The following HECW2 variants were observed in gnomAD, a reference collection of about 807,000 sequenced individuals.
HECW2 encodes E3 ubiquitin-protein ligase HECW2.
Under a neutral mutation model 175.2 loss-of-function variants are expected in HECW2, and 61 were observed. The observed-to-expected ratio is 0.35, with a 90% CI of 0.28 to 0.43. The LOEUF (loss-of-function observed/expected upper bound fraction) is 0.43, where lower values mean the gene tolerates loss of function less well. HECW2 is among the 20% of genes least tolerant of loss of function. The pLI, the probability that HECW2 is intolerant of heterozygous loss-of-function variation, is 1.00. For missense variants in HECW2, 1,524 were observed against 2,000.5 expected, an observed-to-expected ratio of 0.76 and a Z score of 4.54; for synonymous variants, 671 against 731.0, an observed-to-expected ratio of 0.92 and a Z score of 1.32.
intron 1 of HECW2, among the ~76,000 whole-genome samples, chr2:196,443,465 T>C (rs1575547358): frequency 6.6e-6 from 1 of 152,172 alleles, no homozygotes; most frequent in African/African-American, 2.4e-5. Flanking sequence ...TTGGCAGAGG[T>C]ATCAGTTTTT....
At chr2:196,259,845 G>T (rs1277376586) in intron 17 of HECW2, among the ~76,000 whole-genome samples, 3 of 152,150 alleles carry the variant, frequency 2.0e-5, no homozygotes, top group African/African-American at 7.2e-5. Context: ...CTTAACCAAA[G>T]AACTACTCTT....
intron 10 of HECW2, chr2:196,316,846 C>T (rs1002296893): frequency 6.4e-6 from 1 of 155,504 alleles, no homozygotes. Context: ...AAAATCAGAA[C>T]CTTGTGCTTA....
intron 1 of HECW2, among the ~76,000 whole-genome samples, chr2:196,448,674 T>C (rs1696258258): frequency 6.6e-6 from 1 of 152,226 alleles, no homozygotes; most frequent in South Asian, 2.1e-4. Flanking sequence ...TCTTTGCAGA[T>C]ATAGAAAGCA....
intron 15 of HECW2, among the ~76,000 whole-genome samples, chr2:196,276,947 A>T (rs2105980328): frequency 6.6e-6 from 1 of 152,338 alleles, no homozygotes; most frequent in African/African-American, 2.4e-5. Context: ...ATGGCTACAA[A>T]GATATTTGAT....
At chr2:196,374,665 G>T (rs1398599657) in intron 2 of HECW2, among the ~76,000 whole-genome samples, 9 of 152,116 alleles carry the variant, frequency 5.9e-5, no homozygotes, top group African/African-American at 2.2e-4. Context: ...TATTCAGAAA[G>T]AAGTTTTCAT....
At chr2:196,516,606 C>T (rs1043338675) in intron 1 of HECW2, among the ~76,000 whole-genome samples, 2 of 152,024 alleles carry the variant, frequency 1.3e-5, no homozygotes, top group African/African-American at 2.4e-5. Flanking sequence ...CACAAGGTAT[C>T]GGGAATTAAA....
At position 196,564,816 on chromosome 2, in the gene HECW2, C is replaced by T. The variant is rs140048275; in HGVS notation, c.-36+28692G>A. 4.7e-3 allele frequency among the ~76,000 whole-genome samples: 714 copies of T among 152,162 alleles called. 13 individuals carry two copies. Among genetic ancestry groups the T allele is most frequent in the Admixed American group, 6.5e-3 (100 of 15,288 alleles). ...CAATTAAAGTCATCTCCATCCTATACATTCAATATTCCAAATTTACATAGA... is the reference window on the plus strand; with the variant it reads ...CAATTAAAGTCATCTCCATCCTATATATTCAATATTCCAAATTTACATAGA... On this transcript the variant is annotated intron_variant, in intron 1 of 28. Coordinates refer to ENST00000644978, the MANE Select transcript of HECW2 (RefSeq NM_001348768.2).
intron 19 of HECW2, among the ~76,000 whole-genome samples, chr2:196,245,340 C>A (rs1389780911): frequency 6.6e-6 from 1 of 152,182 alleles, no homozygotes; most frequent in African/African-American, 2.4e-5. Context: ...AATGAAGGTG[C>A]AGTTTCCTGT....
At chr2:196,554,059 C>T (rs1689698912) in intron 1 of HECW2, among the ~76,000 whole-genome samples, 1 of 152,208 alleles carries the variant, frequency 6.6e-6, no homozygotes, top group East Asian at 1.9e-4. Context: ...GATTTTTGGG[C>T]CGGGCGCGGT....
At chr2:196,498,746 G>A (rs569164871) in intron 1 of HECW2, among the ~76,000 whole-genome samples, 1 of 152,280 alleles carries the variant, frequency 6.6e-6, no homozygotes, top group South Asian at 2.1e-4. Flanking sequence ...ACCAGTCATT[G>A]TTTTATAGCT....
intron 21 of HECW2, chr2:196,239,684 G>A (rs1367025234): frequency 6.6e-6 from 1 of 152,190 alleles, no homozygotes; most frequent in African/African-American, 2.4e-5. Flanking sequence ...GAGTTATGAA[G>A]AAGATGTTGA....
chr2:196,448,170 C>T (rs1696241512), intron 1 of HECW2, among the ~76,000 whole-genome samples: 1 of 152,128 alleles, frequency 6.6e-6, no homozygotes, highest in Non-Finnish European at 1.5e-5. Context: ...AAACTGATTC[C>T]CATCATTTGA....
intron 1 of HECW2, among the ~76,000 whole-genome samples, chr2:196,459,573 C>T (rs72912802): frequency 0.14 from 20,634 of 151,798 alleles, 1,449 homozygotes; most frequent in Middle Eastern, 0.22. Flanking sequence ...TCATGATGTC[C>T]CCTCCCTCCA....
chr2:196,452,877 A>G (rs1334690561), intron 1 of HECW2, among the ~76,000 whole-genome samples: 2 of 152,156 alleles, frequency 1.3e-5, no homozygotes, highest in African/African-American at 2.4e-5. Context: ...AGACTGCCCA[A>G]TAAGATAATC....
At chr2:196,273,101 C>A (rs1212055792) in intron 16 of HECW2, among the ~76,000 whole-genome samples, 2 of 123,848 alleles carry the variant, frequency 1.6e-5, no homozygotes, top group South Asian at 2.4e-4. Flanking sequence ...TTGGGTCTTG[C>A]TCTGTCCCTA....
intron 1 of HECW2, among the ~76,000 whole-genome samples, chr2:196,467,239 A>AT (rs1696990113): frequency 6.6e-6 from 1 of 152,240 alleles, no homozygotes; most frequent in South Asian, 2.1e-4. Flanking sequence ...GGAACCCCAA[A>AT]TATCTCTTCC....
At chr2:196,545,639 A>G (rs959630973) in intron 1 of HECW2, among the ~76,000 whole-genome samples, 6 of 152,168 alleles carry the variant, frequency 3.9e-5, no homozygotes, top group African/African-American at 1.4e-4. Context: ...ACCTGCCACT[A>G]ACACAGTCTC....
intron 1 of HECW2, among the ~76,000 whole-genome samples, chr2:196,538,735 A>G (rs527800584): frequency 2.6e-5 from 4 of 152,324 alleles, no homozygotes; most frequent in East Asian, 1.9e-4. Context: ...TTTTGCTCGT[A>G]TAAGTTTTTC....
At chr2:196,485,735 A>T (rs751199772) in intron 1 of HECW2, among the ~76,000 whole-genome samples, 6 of 152,202 alleles carry the variant, frequency 3.9e-5, no homozygotes, top group Non-Finnish European at 7.3e-5. Context: ...CAGAGACATG[A>T]TCATAAGGAA....
Sources: allele counts gnomAD v4.1 joint callset (sites outside exome capture counted in the v4.1 genomes callset), GRCh38; gene constraint gnomAD v4.1.1; transcripts MANE v1.5; gene names NCBI Gene and HGNC (gene_info 2026-07-23, HGNC 2026-07-21).